ERG: variants seen among roughly 807,000 people sequenced by gnomAD.
ERG encodes ETS transcription factor ERG.
ERG carries 9 observed loss-of-function variants against 55.3 expected under a neutral mutation model. The observed-to-expected ratio is 0.16, with a 90% confidence interval of 0.10 to 0.28. The LOEUF (loss-of-function observed/expected upper bound fraction) is 0.28, where lower values mean the gene tolerates loss of function less well. Among genes scored for constraint, ERG ranks in the 10% least tolerant of loss-of-function variants. The pLI, the probability that ERG is intolerant of heterozygous loss-of-function variation, is 1.00. For missense variants in ERG, 434 were observed against 631.6 expected (o/e 0.69, Z 3.35); for synonymous variants, 223 against 237.3 (o/e 0.94, Z 0.55).
chr21:38,636,364 A>C (rs1172721970), intron 1 of ERG, among the ~76,000 whole-genome samples: 1 of 152,238 alleles, frequency 6.6e-6, no homozygotes, highest in Non-Finnish European at 1.5e-5. Flanking sequence ...ACCCGTCTCC[A>C]GGAGAAGAGA....
chr21:38,533,405 C>T (rs771563802), intron 2 of ERG, among the ~76,000 whole-genome samples: 9 of 152,188 alleles, frequency 5.9e-5, no homozygotes, highest in Non-Finnish European at 1.0e-4. Flanking sequence ...ATCTTCCAAA[C>T]GTACATGCCG....
chr21:38,649,976 C>G (rs915047010), intron 1 of ERG, among the ~76,000 whole-genome samples: 4 of 152,198 alleles, frequency 2.6e-5, no homozygotes, highest in Non-Finnish European at 5.9e-5. Context: ...TTTTAATAAA[C>G]CACAATATTC....
intron 1 of ERG, among the ~76,000 whole-genome samples, chr21:38,611,040 C>T (rs1464052000): frequency 6.6e-6 from 1 of 152,178 alleles, no homozygotes; most frequent in Non-Finnish European, 1.5e-5. Context: ...GAAGGTGGAA[C>T]ACAGAGGTAA....
At chr21:38,599,342 C>G (rs1340035032) in intron 1 of ERG, among the ~76,000 whole-genome samples, 1 of 152,140 alleles carries the variant, frequency 6.6e-6, no homozygotes, top group Non-Finnish European at 1.5e-5. Context: ...CAGACACACA[C>G]AGGGATGTCA....
At chr21:38,480,388 T>G (rs1342581065) in intron 1 of ERG, among the ~76,000 whole-genome samples, 3 of 152,090 alleles carry the variant, frequency 2.0e-5, no homozygotes, top group African/African-American at 4.8e-5. Flanking sequence ...AGATGCATCC[T>G]TCCTCACAGC....
intron 2 of ERG, among the ~76,000 whole-genome samples, chr21:38,434,266 C>T (rs1170632801): frequency 1.3e-5 from 2 of 152,196 alleles, no homozygotes; most frequent in African/African-American, 4.8e-5. Context: ...CCCCTCTCCC[C>T]AACTCCATGT....
chr21:38,638,144 G>A (rs147622103), intron 1 of ERG, among the ~76,000 whole-genome samples: 6 of 152,338 alleles, frequency 3.9e-5, no homozygotes, highest in African/African-American at 1.4e-4. Flanking sequence ...GCGCCAGTCC[G>A]GGTGCAATGT....
chr21:38,609,436 G>GA (rs2060213411), intron 1 of ERG, among the ~76,000 whole-genome samples: 2 of 149,832 alleles, frequency 1.3e-5, no homozygotes, highest in Non-Finnish European at 3.0e-5. Flanking sequence ...CTCGACACTG[G>GA]AAAAAAACAA....
chr21:38,403,144 G>T lies in ERG; in HGVS notation c.592+362C>A, dbSNP rs180786984. Among the ~76,000 whole-genome samples the T allele has an allele frequency of 6.6e-5, 10 of 152,328 alleles. No homozygotes were observed. The East Asian group carries it at 1.5e-3, about 23-fold the overall frequency. On this transcript the variant is annotated intron_variant, in intron 4 of 9. Coordinates refer to ENST00000288319, the MANE Select transcript of ERG (RefSeq NM_182918.4). ...TCCCCCTAATTCCTACGAAAGAGAA[G>T]CCTTAATGATTCTATTTCGATTCGG...
In ERG at chr21:38,427,181, G is replaced by A. The variant is rs1242878256; in HGVS notation, c.237-3620C>T. 2.6e-5 allele frequency among the ~76,000 whole-genome samples: 4 copies of A among 152,210 alleles called. No individual in the cohort carries two copies. In the East Asian group the frequency reaches 7.8e-4, roughly 30 times the overall value. Reference sequence around the variant, plus strand: ...GCAGATCACTTGAGGCTAAGTGTTCGAGACCAGCCTGGCCTCCCAAGTAGC... The same window carrying A: ...GCAGATCACTTGAGGCTAAGTGTTCAAGACCAGCCTGGCCTCCCAAGTAGC... On this transcript the variant is annotated intron_variant, in intron 2 of 9. Coordinates refer to ENST00000288319, the MANE Select transcript of ERG (RefSeq NM_182918.4).
intron 2 of ERG, among the ~76,000 whole-genome samples, chr21:38,571,817 T>C (rs1001947069): frequency 1.3e-5 from 2 of 152,194 alleles, no homozygotes; most frequent in Non-Finnish European, 2.9e-5. Context: ...AGAGTCATCA[T>C]AAATTTTGCA....
intron 1 of ERG, 152 bp from the exon 2 acceptor site, chr21:38,445,773 T>A: frequency 1.5e-6 from 1 of 654,176 alleles, no homozygotes; most frequent in South Asian, 2.0e-5. Flanking sequence ...AAAAGTAGCT[T>A]GTTTTTCTTT....
upstream of ERG, among the ~76,000 whole-genome samples, chr21:38,589,634 A>G (rs886320303): frequency 2.6e-5 from 4 of 152,160 alleles, no homozygotes; most frequent in African/African-American, 7.2e-5. Flanking sequence ...GAAAGGCCAT[A>G]GAGTAGTAGT....
chr21:38,620,233 G>C (rs1013114910), intron 1 of ERG, among the ~76,000 whole-genome samples: 6 of 152,190 alleles, frequency 3.9e-5, no homozygotes, highest in Non-Finnish European at 7.3e-5. Context: ...TGATATGGCT[G>C]GTGTGGGTTT....
the ERG span, among the ~76,000 whole-genome samples, chr21:38,370,226 C>T: frequency 6.6e-6 from 1 of 152,004 alleles, no homozygotes; most frequent in Non-Finnish European, 1.5e-5. Flanking sequence ...ATTAATTGTT[C>T]ATCATGTTTC....
intron 2 of ERG, among the ~76,000 whole-genome samples, chr21:38,548,685 C>T (rs1247860010): frequency 2.8e-5 from 4 of 142,840 alleles, no homozygotes; most frequent in Non-Finnish European, 6.0e-5. Flanking sequence ...AGGATGGTCT[C>T]GATCTCCTGA....
At chr21:38,576,052 A>G (rs2146865647) in intron 1 of ERG, among the ~76,000 whole-genome samples, 2 of 152,372 alleles carry the variant, frequency 1.3e-5, no homozygotes, top group Admixed American at 1.3e-4. Flanking sequence ...CGTGGGCAGC[A>G]TCTAATGAGG....
chr21:38,619,812 G>A (rs2060279626), intron 1 of ERG, among the ~76,000 whole-genome samples: 1 of 152,162 alleles, frequency 6.6e-6, no homozygotes, highest in South Asian at 2.1e-4. Context: ...ATTTTATCCT[G>A]GAAGATAATT....
the ERG span, among the ~76,000 whole-genome samples, chr21:38,372,341 A>T: frequency 6.6e-5 from 10 of 151,936 alleles, no homozygotes; most frequent in Non-Finnish European, 7.4e-5. Context: ...AATTTCTGTT[A>T]TCTTTATAAT....
Sources: allele counts gnomAD v4.1 joint callset (sites outside exome capture counted in the v4.1 genomes callset), GRCh38; gene constraint gnomAD v4.1.1; transcripts MANE v1.5; gene names NCBI Gene and HGNC (gene_info 2026-07-23, HGNC 2026-07-21).